KCNH1: variants seen among roughly 807,000 people sequenced by gnomAD.
KCNH1 encodes the protein potassium voltage-gated channel subfamily H member 1, also known as voltage-gated delayed rectifier potassium channel KCNH1.
In KCNH1, 27 loss-of-function variants were observed where a neutral mutation model predicts 69.2. The observed-to-expected ratio is 0.39, with a 90% CI of 0.29 to 0.54. The LOEUF is 0.54. KCNH1 is among the 20% of genes least tolerant of loss of function. The pLI, the probability that KCNH1 is intolerant of heterozygous loss-of-function variation, is 0.68. For missense variants in KCNH1, 798 were observed against 1,261.6 expected (o/e 0.63, Z 5.57); for synonymous variants, 456 against 487.7 (o/e 0.93, Z 0.86).
At chr1:211,025,266 C>A (rs1689664045) in intron 5 of KCNH1, among the ~76,000 whole-genome samples, 1 of 152,134 alleles carries the variant, frequency 6.6e-6, no homozygotes, top group South Asian at 2.1e-4. Flanking sequence ...GGTTGAAGAC[C>A]CTTTAGTAGA....
At chr1:211,045,489 A>T (rs1457436465) in intron 5 of KCNH1, among the ~76,000 whole-genome samples, 1 of 152,080 alleles carries the variant, frequency 6.6e-6, no homozygotes, top group Non-Finnish European at 1.5e-5. Context: ...AAATAAAAAG[A>T]TCCAAATAAT....
At chr1:210,980,106 T>C (rs1688682814) in intron 6 of KCNH1, among the ~76,000 whole-genome samples, 1 of 152,208 alleles carries the variant, frequency 6.6e-6, no homozygotes, top group African/African-American at 2.4e-5. Flanking sequence ...CTTCTTCCAT[T>C]TCATTTACCC....
At chr1:211,101,010 G>T (rs1326936983) in intron 3 of KCNH1, among the ~76,000 whole-genome samples, 1 of 152,158 alleles carries the variant, frequency 6.6e-6, no homozygotes, top group South Asian at 2.1e-4. Flanking sequence ...TATGCATTCA[G>T]CCTGGGATAC....
chr1:210,983,503 C>G (rs1571550336), intron 6 of KCNH1, among the ~76,000 whole-genome samples: 1 of 152,182 alleles, frequency 6.6e-6, no homozygotes, highest in South Asian at 2.1e-4. Flanking sequence ...AGCCAGTTTT[C>G]CCAGCACCAT....
intron 1 of KCNH1, among the ~76,000 whole-genome samples, chr1:211,131,903 C>T (rs1366238471): frequency 6.6e-6 from 1 of 152,038 alleles, no homozygotes; most frequent in Non-Finnish European, 1.5e-5. Flanking sequence ...ATGACAATGC[C>T]CATCCTAAAA....
chr1:210,908,497 C>A (rs937147705), intron 7 of KCNH1, among the ~76,000 whole-genome samples: 2 of 152,118 alleles, frequency 1.3e-5, no homozygotes, highest in African/African-American at 2.4e-5. Context: ...TCTGCCTGTG[C>A]CCCGCCTCTC....
In KCNH1 at chr1:210,996,680, T is replaced by A. The variant is rs1689047719; in HGVS notation, c.1032+22103A>T. On this transcript the variant is annotated intron_variant, in intron 6 of 10. Coordinates refer to ENST00000271751, the MANE Select transcript of KCNH1 (RefSeq NM_172362.3). ...GCTGGAGATCTGAGAACTGGAAGACTGCCTCCTCAAGTGGGTCCTTGACCC... is the reference window on the plus strand; with the variant it reads ...GCTGGAGATCTGAGAACTGGAAGACAGCCTCCTCAAGTGGGTCCTTGACCC... Among the ~76,000 whole-genome samples the A allele has an allele frequency of 3.9e-5, 6 of 152,352 alleles. No homozygotes were observed. In the South Asian group the frequency reaches 6.2e-4, roughly 16 times the overall value.
chr1:211,002,359 C>T (rs1409110181), intron 6 of KCNH1, among the ~76,000 whole-genome samples: 1 of 146,170 alleles, frequency 6.8e-6, no homozygotes, highest in African/African-American at 2.5e-5. Flanking sequence ...TATATACACA[C>T]ACACATATAT....
intron 5 of KCNH1, among the ~76,000 whole-genome samples, chr1:211,032,370 C>A (rs1025489109): frequency 6.6e-6 from 1 of 152,178 alleles, no homozygotes; most frequent in Non-Finnish European, 1.5e-5. Flanking sequence ...CCATCCCCAT[C>A]AAGCTATCAA....
intron 6 of KCNH1, among the ~76,000 whole-genome samples, chr1:210,975,871 C>T (rs1411768768): frequency 2.0e-5 from 3 of 152,156 alleles, no homozygotes; most frequent in Non-Finnish European, 2.9e-5. Context: ...GGCTAATATC[C>T]AGAATCTACA....
chr1:210,761,249 CAAAAAAAAAAAAAA>C (rs58988658), intron 10 of KCNH1, among the ~76,000 whole-genome samples: 2 of 37,090 alleles, frequency 5.4e-5, no homozygotes, highest in African/African-American at 1.1e-4. Context: ...GAGACTCCGT[CAAAAAAAAAAAAAA>C]AAAAAAAAAA....
chr1:210,816,057 G>A (rs564928067), intron 7 of KCNH1, among the ~76,000 whole-genome samples: 14 of 152,110 alleles, frequency 9.2e-5, no homozygotes, highest in African/African-American at 1.7e-4. Context: ...CTCTGCAAGC[G>A]GCGAGCGATT....
intron 5 of KCNH1, among the ~76,000 whole-genome samples, chr1:211,056,763 G>A (rs12027216): frequency 1.3e-5 from 2 of 152,328 alleles, no homozygotes; most frequent in East Asian, 3.9e-4. Context: ...GTAATTCAGA[G>A]AATTCTTCTG....
chr1:210,859,376 G>C, intron 7 of KCNH1: 1 of 1,552,316 alleles, frequency 6.4e-7, no homozygotes, highest in East Asian at 2.2e-5. Flanking sequence ...ACAGGATTAT[G>C]ATTTCGAATG....
At chr1:211,085,269 C>A (rs2102469013) in intron 4 of KCNH1, among the ~76,000 whole-genome samples, 1 of 152,076 alleles carries the variant, frequency 6.6e-6, no homozygotes, top group Non-Finnish European at 1.5e-5. Flanking sequence ...GAGGGGGATG[C>A]CAGGTGTGTC....
chr1:210,829,937 A>T (rs1489785538), intron 7 of KCNH1, among the ~76,000 whole-genome samples: 1 of 152,168 alleles, frequency 6.6e-6, no homozygotes, highest in Non-Finnish European at 1.5e-5. Flanking sequence ...GAAATAACTA[A>T]TACAACTTTT....
intron 6 of KCNH1, among the ~76,000 whole-genome samples, chr1:211,016,848 G>A (rs769985708): frequency 2.1e-5 from 3 of 143,782 alleles, no homozygotes; most frequent in Non-Finnish European, 4.5e-5. Flanking sequence ...GGCAGAGGTT[G>A]TGGTGAGCTG....
intron 10 of KCNH1, among the ~76,000 whole-genome samples, chr1:210,730,788 T>A (rs1682730757): frequency 6.6e-6 from 1 of 152,186 alleles, no homozygotes; most frequent in Non-Finnish European, 1.5e-5. Context: ...TTTGCTTTGT[T>A]CTTTTCAAAT....
At chr1:211,059,247 T>C (rs1690376068) in intron 5 of KCNH1, among the ~76,000 whole-genome samples, 1 of 145,970 alleles carries the variant, frequency 6.9e-6, no homozygotes, top group African/African-American at 2.6e-5. Flanking sequence ...ACCACTATAC[T>C]CCAGCCTGGG....
Sources: gnomAD v4.1 joint callset for allele counts (sites outside exome capture counted in the v4.1 genomes callset) on GRCh38, gnomAD v4.1.1 for gene constraint, MANE v1.5 for transcripts, NCBI Gene and HGNC (gene_info 2026-07-23, HGNC 2026-07-21) for gene names.